Variants in PRKCQ observed in about 807,000 individuals in gnomAD.
PRKCQ encodes protein kinase C theta, also known as protein kinase C theta type.
PRKCQ carries 41 observed loss-of-function variants against 91.2 expected under a neutral mutation model. That is an observed-to-expected ratio of 0.45 (90% CI 0.35 to 0.58). The LOEUF is 0.58. PRKCQ is among the 20% of genes least tolerant of loss of function. The pLI is 0.00. For missense variants in PRKCQ, 673 were observed against 896.5 expected (o/e 0.75, Z 3.18); for synonymous variants, 307 against 316.9 (o/e 0.97, Z 0.33).
chr10:6,457,262 A>G (rs1268063666), intron 14 of PRKCQ, among the ~76,000 whole-genome samples: 1 of 152,246 alleles, frequency 6.6e-6, no homozygotes, highest in Non-Finnish European at 1.5e-5. Flanking sequence ...ATCCAACGCC[A>G]GAATGTCATG....
At chr10:6,531,489 C>T (rs1052702357) in intron 1 of PRKCQ, among the ~76,000 whole-genome samples, 1 of 151,278 alleles carries the variant, frequency 6.6e-6, no homozygotes, top group Non-Finnish European at 1.5e-5. Flanking sequence ...AAGCACCCCC[C>T]CAAAACCAAT....
At chr10:6,456,292 C>T (rs1321321292) in intron 15 of PRKCQ, among the ~76,000 whole-genome samples, 2 of 152,198 alleles carry the variant, frequency 1.3e-5, no homozygotes, top group African/African-American at 2.4e-5. Flanking sequence ...TCTGTGCTTA[C>T]ATCAGTGGTG....
rs1402210542 is a variant in PRKCQ at position 6,521,532 on chromosome 10, C to T, written c.-9-6388G>A. The stretch of plus-strand genomic sequence containing the variant: ...TGAGGATTAAATGGGCAAATACACA[C>T]AAGGTGCTTAGAATGGGGCTGGCTC... On this transcript the variant is annotated intron_variant, in intron 1 of 17. Transcript: ENST00000263125. 2.6e-5 allele frequency among the ~76,000 whole-genome samples: 4 copies of T among 152,314 alleles called. No homozygotes were observed. The East Asian group carries it at 5.8e-4, about 22-fold the overall frequency.
chr10:6,569,366 G>C (rs1840949870), intron 1 of PRKCQ, among the ~76,000 whole-genome samples: 1 of 151,984 alleles, frequency 6.6e-6, no homozygotes, highest in Admixed American at 6.5e-5. Flanking sequence ...ACGTCCACGA[G>C]ATGAGGGGAT....
the PRKCQ span, among the ~76,000 whole-genome samples, chr10:6,418,956 TATC>T: frequency 7.8e-4 from 3 of 3,846 alleles, no homozygotes; most frequent in African/African-American, 1.9e-3. Flanking sequence ...TCTTATCTAA[TATC>T]TATCTATCTA....
chr10:6,471,164 C>A (rs11819303), intron 12 of PRKCQ, among the ~76,000 whole-genome samples: 4,978 of 152,192 alleles, frequency 0.033, 247 homozygotes, highest in African/African-American at 0.1. Flanking sequence ...TCCGCTCCCC[C>A]CTGTGCCCAG....
intron 1 of PRKCQ, among the ~76,000 whole-genome samples, chr10:6,575,950 G>A (rs1841216888): frequency 6.6e-6 from 1 of 152,136 alleles, no homozygotes; most frequent in Non-Finnish European, 1.5e-5. Context: ...TGAGGCAGGA[G>A]AATTGCTTGA....
chr10:6,522,936 T>C (rs1274925178), intron 1 of PRKCQ, among the ~76,000 whole-genome samples: 3 of 152,146 alleles, frequency 2.0e-5, no homozygotes, highest in South Asian at 2.1e-4. Context: ...CATTTCTTTA[T>C]GAGATAGAAA....
chr10:6,536,006 C>A (rs1438844763), intron 1 of PRKCQ, among the ~76,000 whole-genome samples: 1 of 152,058 alleles, frequency 6.6e-6, no homozygotes, highest in East Asian at 1.9e-4. Flanking sequence ...TGGAGTCAGG[C>A]CCTACCCCTG....
the PRKCQ span, among the ~76,000 whole-genome samples, chr10:6,400,726 A>G: frequency 1.3e-5 from 2 of 152,048 alleles, no homozygotes; most frequent in African/African-American, 4.8e-5. Context: ...CTGAAAAAAA[A>G]AAAAAAAATC....
At position 6,576,830 on chromosome 10, in the gene PRKCQ, T is replaced by C. The variant is rs1023004202; in HGVS notation, c.-10+3381A>G. On this transcript the variant is annotated intron_variant, in intron 1 of 17. Coordinates refer to ENST00000263125, the MANE Select transcript of PRKCQ (RefSeq NM_006257.5). This position sits in a 1 kb window ranked among gnomAD's most constrained non-coding sequence, Gnocchi z 4.2. The stretch of plus-strand genomic sequence containing the variant: ...CAACTAACCTGACTCTACCACTGAC[T>C]GGTTATAAGACCTGGACAAGGGGCT... Among the ~76,000 whole-genome samples the C allele has an allele frequency of 6.8e-6, 1 of 146,650 alleles. No individual in the cohort carries two copies. Among genetic ancestry groups the C allele is most frequent in the Non-Finnish European group, 1.5e-5 (1 of 67,998 alleles).
At chr10:6,549,819 C>T (rs1232105710) in intron 1 of PRKCQ, among the ~76,000 whole-genome samples, 1 of 151,454 alleles carries the variant, frequency 6.6e-6, no homozygotes, top group Admixed American at 6.6e-5. Flanking sequence ...TTAGTAGAGA[C>T]AGCGCTCTCC....
At chr10:6,437,937 G>A (rs1833784389) in intron 16 of PRKCQ, among the ~76,000 whole-genome samples, 1 of 152,190 alleles carries the variant, frequency 6.6e-6, no homozygotes, top group Admixed American at 6.5e-5. Flanking sequence ...ACAGGCGTGA[G>A]CCACCGTGCC....
chr10:6,413,104 C>A, the PRKCQ span, among the ~76,000 whole-genome samples: 1 of 152,154 alleles, frequency 6.6e-6, no homozygotes, highest in Non-Finnish European at 1.5e-5. Flanking sequence ...AGGCACCCGC[C>A]ACCACGCCCG....
chr10:6,505,112 C>A (rs1204899023), intron 4 of PRKCQ, among the ~76,000 whole-genome samples: 1 of 152,144 alleles, frequency 6.6e-6, no homozygotes, highest in African/African-American at 2.4e-5. Flanking sequence ...CCAGGATGGT[C>A]TCGGTCTCCT....
In PRKCQ at chr10:6,465,379, C is replaced by CAG. The variant is rs1835595274; in HGVS notation, c.1354-977_1354-976dup. 6.6e-6 allele frequency among the ~76,000 whole-genome samples: 1 copy of CAG among 152,180 alleles called. No homozygotes were observed. The highest frequency in any genetic ancestry group is 1.5e-5 in the Non-Finnish European group (1 of 68,040). ...GCTGGGGCCCTCGAGTGGCCACAGT[C>CAG]AGAAGTAGGGCTGGGTGGTCTTCAG... On this transcript the variant is annotated intron_variant, in intron 12 of 17. Transcript: ENST00000263125. The surrounding 1 kb of genome is among the most constrained non-coding windows in gnomAD (Gnocchi z 4.4).
chr10:6,427,794 T>C lies in PRKCQ; in HGVS notation c.*413A>G, dbSNP rs663532. The C allele has an allele frequency of 0.017, 3,357 of 194,276 alleles. 48 individuals are homozygous for C. The highest frequency in any genetic ancestry group is 0.031 in the African/African-American group (1,285 of 41,984). The allele number at this position is 194,276 out of a possible 1,614,324, so 12.0% of individuals were successfully genotyped here. ...TGAGATCCGCTACTAGACCAGGCAA[T>C]GGGGCCGTTTCAGTCTTGAGACGTC... is the stretch of plus-strand genomic sequence containing the variant. On this transcript the variant is annotated 3_prime_UTR_variant, in exon 18 of 18. Transcript: ENST00000263125.
rs144469370 is a variant in PRKCQ, at chr10:6,464,399, G to A, written c.1359C>T (p.Asn453=). 135 of 1,595,866 alleles carry A rather than the reference G, an allele frequency of 8.5e-5. No homozygotes were observed. The African/African-American group carries it at 1.5e-3, about 18-fold the overall frequency. The change falls in exon 13 of 18, where the codon AAC becomes AAT. Residue 453 remains asparagine, a synonymous_variant. Transcript: ENST00000263125. Reference sequence around the variant, plus strand: ...TGAGGTACTCCATCACAAAAAAGAGGTTTTCCTGTGGAAAAACAAAACAAT... The same window carrying A: ...TGAGGTACTCCATCACAAAAAAGAGATTTTCCTGTGGAAAAACAAAACAAT... The part of the protein sequence containing the change: ...HMFCTFQTKE[N]LFFVMEYLNG...
chr10:6,529,141 T>C (rs1243831212), intron 1 of PRKCQ, among the ~76,000 whole-genome samples: 1 of 152,252 alleles, frequency 6.6e-6, no homozygotes, highest in East Asian at 1.9e-4. Context: ...AAGTGGCTGA[T>C]TGGGATCAAT....
Sources: gnomAD v4.1 joint callset for allele counts (sites outside exome capture counted in the v4.1 genomes callset) on GRCh38, gnomAD v4.1.1 for gene constraint, Gnocchi (gnomAD v3.1) non-coding constraint, MANE v1.5 for transcripts, NCBI Gene and HGNC (gene_info 2026-07-23, HGNC 2026-07-21) for gene names.